Variants in VWA8 observed in about 807,000 individuals in gnomAD.
VWA8 encodes the protein von Willebrand factor A domain-containing protein 8.
VWA8 carries 221 observed loss-of-function variants against 241.5 expected under a neutral mutation model. That is an observed-to-expected ratio of 0.91 (90% CI 0.82 to 1.02). The LOEUF (loss-of-function observed/expected upper bound fraction) is 1.02. Ranked by LOEUF, VWA8 falls within the 50% of genes least tolerant of loss-of-function variation. VWA8 has a pLI of 0.00. For synonymous variants in VWA8, 852 were observed against 827.1 expected, an observed-to-expected ratio of 1.03 and a Z score of -0.52; for missense variants, 2,322 against 2,328.7, an observed-to-expected ratio of 1.00 and a Z score of 0.06.
intron 40 of VWA8, among the ~76,000 whole-genome samples, chr13:41,595,954 G>C (rs1228221609): frequency 6.6e-6 from 1 of 152,012 alleles, no homozygotes. Context: ...GGAGTATAAG[G>C]GTTTCATTTG....
intron 41 of VWA8, among the ~76,000 whole-genome samples, chr13:41,589,148 C>T (rs1173590148): frequency 6.6e-6 from 1 of 152,180 alleles, no homozygotes; most frequent in East Asian, 1.9e-4. Context: ...ATTCTGGTTA[C>T]CCAGGAATAC....
chr13:41,786,373 G>A (rs1477066634), intron 18 of VWA8, among the ~76,000 whole-genome samples: 3 of 152,058 alleles, frequency 2.0e-5, no homozygotes, highest in Non-Finnish European at 2.9e-5. Context: ...GTGTGAACAC[G>A]GAGAGTTAAT....
chr13:41,926,480 G>T, intron 2 of VWA8: 1 of 526,966 alleles, frequency 1.9e-6, no homozygotes, highest in Non-Finnish European at 3.8e-6. Flanking sequence ...AATTGCTCCG[G>T]AACTCTATCA....
In VWA8 at chr13:41,865,832, A is replaced by G. The variant is rs762995179; in HGVS notation, c.1348-19T>C. The G allele has an allele frequency of 1.9e-6, 3 of 1,614,204 alleles. No homozygotes were observed. Among genetic ancestry groups the G allele is most frequent in the Non-Finnish European group, 1.7e-6 (2 of 1,180,042 alleles). On this transcript the variant is annotated intron_variant, in intron 11 of 44. Coordinates refer to ENST00000379310, the MANE Select transcript of VWA8 (RefSeq NM_015058.2). ...CACAACCCTACAAATGGAAAAAATT[A>G]TTCAAGAGGTAAGTCAAAATAACCA...
intron 21 of VWA8, among the ~76,000 whole-genome samples, chr13:41,733,499 A>C (rs2045501886): frequency 6.6e-6 from 1 of 152,196 alleles, no homozygotes; most frequent in Admixed American, 6.6e-5. Flanking sequence ...GGCAGATAGC[A>C]GGGGTGTAAT....
chr13:41,945,445 A>AG (rs749434858), intron 2 of VWA8, among the ~76,000 whole-genome samples: 1 of 152,204 alleles, frequency 6.6e-6, no homozygotes, highest in Non-Finnish European at 1.5e-5. Context: ...ACTATCTCTG[A>AG]GTAAACCAGA....
At chr13:41,788,919 T>C (rs1478873225) in intron 17 of VWA8, among the ~76,000 whole-genome samples, 2 of 152,162 alleles carry the variant, frequency 1.3e-5, no homozygotes, top group South Asian at 2.1e-4. Flanking sequence ...TGTGGAAACA[T>C]TTCTAGATTA....
chr13:41,840,788 G>A (rs981352704), intron 12 of VWA8, among the ~76,000 whole-genome samples: 14 of 151,062 alleles, frequency 9.3e-5, no homozygotes, highest in Non-Finnish European at 7.4e-5. Flanking sequence ...AAGTCATGAT[G>A]ATCACAACAT....
At chr13:41,616,091 T>C (rs1041080441) in intron 37 of VWA8, among the ~76,000 whole-genome samples, 1 of 152,234 alleles carries the variant, frequency 6.6e-6, no homozygotes, top group Non-Finnish European at 1.5e-5. Flanking sequence ...AGCTTACAAA[T>C]AAATGGGCCT....
chr13:41,752,834 G>A (rs1221311946), intron 21 of VWA8, among the ~76,000 whole-genome samples: 1 of 152,096 alleles, frequency 6.6e-6, no homozygotes, highest in Non-Finnish European at 1.5e-5. Context: ...TTGATAGGCA[G>A]GGAAATTAAG....
chr13:41,859,643 A>C (rs937765573), intron 12 of VWA8, among the ~76,000 whole-genome samples: 7 of 152,194 alleles, frequency 4.6e-5, no homozygotes, highest in Non-Finnish European at 1.0e-4. Flanking sequence ...CTATGAAATC[A>C]CTGGTTTCAA....
intron 42 of VWA8, among the ~76,000 whole-genome samples, chr13:41,583,663 C>A (rs201726403): frequency 0.028 from 3,482 of 126,604 alleles, 52 homozygotes; most frequent in African/African-American, 0.036. Flanking sequence ...AAAAAAAAAA[C>A]AAACAAAAAA....
chr13:41,889,026 C>A (rs1372052628), intron 5 of VWA8, among the ~76,000 whole-genome samples: 2 of 152,136 alleles, frequency 1.3e-5, no homozygotes, highest in African/African-American at 4.8e-5. Context: ...ATATAAAGTT[C>A]ATACAAACTG....
chr13:41,714,064 T>A (rs1276515358), intron 26 of VWA8, among the ~76,000 whole-genome samples: 1 of 152,082 alleles, frequency 6.6e-6, no homozygotes, highest in African/African-American at 2.4e-5. Flanking sequence ...GGATCATCAA[T>A]GGCTATTTCT....
At chr13:41,915,573 C>T (rs1021469815) in intron 2 of VWA8, among the ~76,000 whole-genome samples, 3 of 152,208 alleles carry the variant, frequency 2.0e-5, no homozygotes, top group Admixed American at 6.5e-5. Flanking sequence ...TTCTCAAGGC[C>T]TCTGTTGCCT....
At chr13:41,858,950 A>G (rs1441871304) in intron 12 of VWA8, among the ~76,000 whole-genome samples, 1 of 151,988 alleles carries the variant, frequency 6.6e-6, no homozygotes, top group Non-Finnish European at 1.5e-5. Flanking sequence ...GGTGCTTCAC[A>G]CTTGTAATCT....
At chr13:41,872,506 G>C (rs1431212243) in intron 9 of VWA8, among the ~76,000 whole-genome samples, 1 of 152,144 alleles carries the variant, frequency 6.6e-6, no homozygotes, top group Non-Finnish European at 1.5e-5. Flanking sequence ...AAGGGATCCA[G>C]TTTCAGCTTT....
chr13:41,918,306 C>A (rs991363678), intron 2 of VWA8, among the ~76,000 whole-genome samples: 1 of 152,168 alleles, frequency 6.6e-6, no homozygotes, highest in African/African-American at 2.4e-5. Flanking sequence ...ATCTACAGCA[C>A]TGGCCAGCAC....
At chr13:41,912,616 T>C (rs889873419) in intron 2 of VWA8, among the ~76,000 whole-genome samples, 4 of 152,184 alleles carry the variant, frequency 2.6e-5, no homozygotes, top group Non-Finnish European at 5.9e-5. Context: ...TCATCCCAGA[T>C]AGTTAATGAT....
Sources: gnomAD v4.1 joint callset for allele counts (sites outside exome capture counted in the v4.1 genomes callset) on GRCh38, gnomAD v4.1.1 for gene constraint, MANE v1.5 for transcripts, NCBI Gene and HGNC (gene_info 2026-07-23, HGNC 2026-07-21) for gene names.